The following CLDN10 variants were observed in gnomAD, a reference collection of about 807,000 sequenced individuals.
CLDN10 encodes the protein claudin 10.
CLDN10 carries 15 observed loss-of-function variants against 22.9 expected under a neutral mutation model. The ratio of observed to expected loss-of-function variants is 0.65; its 90% CI spans 0.44 to 1.01. The LOEUF (loss-of-function observed/expected upper bound fraction) is 1.01. Among genes scored for constraint, CLDN10 ranks in the 50% least tolerant of loss-of-function variants. The probability of loss-of-function intolerance (pLI) is 0.00; values close to 1 mark genes in which losing one functional copy is unlikely to be tolerated. For missense variants in CLDN10, 247 were observed against 287.8 expected (o/e 0.86, Z 1.03); for synonymous variants, 114 against 111.4 (o/e 1.02, Z -0.15).
exon 1 of CLDN10, chr13:95,433,978 A>G: frequency 6.2e-7 from 1 of 1,614,220 alleles, no homozygotes; most frequent in South Asian, 1.1e-5. Context: ...GGGTCTGTGG[A>G]TGAACTGCGC....
intron 1 of CLDN10, among the ~76,000 whole-genome samples, chr13:95,557,471 G>T (rs1297904187): frequency 6.6e-6 from 1 of 152,142 alleles, no homozygotes; most frequent in Non-Finnish European, 1.5e-5. Flanking sequence ...AGGCTTACGA[G>T]CAACTCCATT....
At chr13:95,442,552 G>A (rs1320561058) in intron 1 of CLDN10, among the ~76,000 whole-genome samples, 2 of 152,216 alleles carry the variant, frequency 1.3e-5, no homozygotes, top group African/African-American at 4.8e-5. Flanking sequence ...TATTCCTTGA[G>A]TCAATCACAC....
intron 1 of CLDN10, among the ~76,000 whole-genome samples, chr13:95,554,414 A>C (rs1051664829): frequency 1.3e-5 from 2 of 151,754 alleles, no homozygotes; most frequent in African/African-American, 4.8e-5. Context: ...GAAGGAAATG[A>C]ATGCTCTATG....
chr13:95,469,091 C>A (rs2042605929), intron 1 of CLDN10, among the ~76,000 whole-genome samples: 1 of 149,852 alleles, frequency 6.7e-6, no homozygotes, highest in South Asian at 2.1e-4. Context: ...CTTCAGATTT[C>A]TTTACAGTTT....
intron 1 of CLDN10, among the ~76,000 whole-genome samples, chr13:95,465,796 G>A (rs2042577056): frequency 6.6e-6 from 1 of 152,206 alleles, no homozygotes; most frequent in South Asian, 2.1e-4. Flanking sequence ...GATACTCAGA[G>A]TCTTTCTTCG....
intron 1 of CLDN10, among the ~76,000 whole-genome samples, chr13:95,503,074 T>C (rs565159754): frequency 4.6e-5 from 7 of 152,338 alleles, no homozygotes; most frequent in Admixed American, 3.3e-4. Context: ...AAATGCTTCC[T>C]GTGTAGGTGA....
At chr13:95,542,749 G>T (rs1442712230) in intron 1 of CLDN10, among the ~76,000 whole-genome samples, 1 of 152,192 alleles carries the variant, frequency 6.6e-6, no homozygotes, top group African/African-American at 2.4e-5. Flanking sequence ...AGAAATTGCA[G>T]TGAGCCAAGA....
At chr13:95,575,456 T>C (rs2043911206) in intron 3 of CLDN10, among the ~76,000 whole-genome samples, 1 of 152,230 alleles carries the variant, frequency 6.6e-6, no homozygotes, top group African/African-American at 2.4e-5. Context: ...AAAGCAGGGC[T>C]GATTGCAGAA....
intron 1 of CLDN10, among the ~76,000 whole-genome samples, chr13:95,437,353 A>G (rs1205103903): frequency 9.9e-5 from 15 of 152,212 alleles, no homozygotes; most frequent in Admixed American, 9.8e-4. Flanking sequence ...AAGCCAATTC[A>G]CTATCTTTAG....
chr13:95,557,693 C>G (rs1473553370), intron 1 of CLDN10, among the ~76,000 whole-genome samples: 2 of 152,282 alleles, frequency 1.3e-5, no homozygotes, highest in South Asian at 4.1e-4. Flanking sequence ...AGAATCTGCC[C>G]TGCCCACTTC....
chr13:95,491,838 T>A (rs1433562614), intron 1 of CLDN10, among the ~76,000 whole-genome samples: 4 of 152,156 alleles, frequency 2.6e-5, no homozygotes, highest in Non-Finnish European at 5.9e-5. Context: ...TTGTTCAGAT[T>A]CTTTTGTCCC....
At chr13:95,573,139 AAAT>A (rs2043883115) in intron 3 of CLDN10, among the ~76,000 whole-genome samples, 2 of 152,358 alleles carry the variant, frequency 1.3e-5, no homozygotes, top group Middle Eastern at 6.8e-3. Context: ...TTCTTTGAGA[AAAT>A]AATAAGTGGT....
intron 1 of CLDN10, among the ~76,000 whole-genome samples, chr13:95,453,579 G>A (rs773914692): frequency 6.6e-6 from 1 of 152,058 alleles, no homozygotes; most frequent in Non-Finnish European, 1.5e-5. Context: ...AGTTACTAGG[G>A]AGGCTCAGGC....
intron 1 of CLDN10, among the ~76,000 whole-genome samples, chr13:95,500,934 CAG>C (rs1331234545): frequency 6.6e-6 from 1 of 152,106 alleles, no homozygotes; most frequent in African/African-American, 2.4e-5. Context: ...GTGGAAGAAG[CAG>C]AGAGGGCGCG....
At chr13:95,552,709 G>A (rs1166444723), upstream of CLDN10, 1 of 1,565,732 alleles carries the variant, frequency 6.4e-7, no homozygotes, top group Non-Finnish European at 8.6e-7. Context: ...GGGGGTCGCG[G>A]CGCAGAGTGG....
chr13:95,480,131 T>G (rs1408201332), intron 1 of CLDN10, among the ~76,000 whole-genome samples: 1 of 152,170 alleles, frequency 6.6e-6, no homozygotes, highest in Non-Finnish European at 1.5e-5. Context: ...GAGCTCCTTC[T>G]TATAGAACCA....
chr13:95,550,620 G>T (rs368168802), upstream of CLDN10, among the ~76,000 whole-genome samples: 15 of 152,226 alleles, frequency 9.9e-5, no homozygotes, highest in South Asian at 2.9e-3. Flanking sequence ...ATAGTAATTG[G>T]ATCAGAAATA....
intron 1 of CLDN10, among the ~76,000 whole-genome samples, chr13:95,448,784 G>T (rs2042405606): frequency 7.2e-6 from 1 of 139,404 alleles, no homozygotes; most frequent in Non-Finnish European, 1.6e-5. Context: ...CTCTCGCCCA[G>T]TTTGGAGTTC....
At chr13:95,442,197 G>C (rs751152673) in intron 1 of CLDN10, among the ~76,000 whole-genome samples, 1 of 152,122 alleles carries the variant, frequency 6.6e-6, no homozygotes, top group Non-Finnish European at 1.5e-5. Flanking sequence ...GTCTTATGTA[G>C]TACCAGACAC....
Sources: allele counts gnomAD v4.1 joint callset (sites outside exome capture counted in the v4.1 genomes callset), GRCh38; gene constraint gnomAD v4.1.1; transcripts MANE v1.5; gene names NCBI Gene and HGNC (gene_info 2026-07-23, HGNC 2026-07-21).